The following CFAP53 variants were observed in gnomAD, a reference collection of about 807,000 sequenced individuals.
The protein encoded by CFAP53 is cilia and flagella associated protein 53, also known as cilia- and flagella-associated protein 53.
A neutral mutation model predicts 59.7 loss-of-function variants in CFAP53; 62 were observed. The observed-to-expected ratio is 1.04, with a 90% CI of 0.85 to 1.28. The LOEUF is 1.28. CFAP53 is among the 50% of genes most tolerant of loss of function. The pLI, the probability that CFAP53 is intolerant of heterozygous loss-of-function variation, is 0.00. For synonymous variants in CFAP53, 218 were observed against 205.7 expected, an observed-to-expected ratio of 1.06 and a Z score of -0.51; for missense variants, 629 against 615.6, an observed-to-expected ratio of 1.02 and a Z score of -0.23.
At chr18:50,228,994 G>A (rs1478800470) in intron 7 of CFAP53, among the ~76,000 whole-genome samples, 1 of 151,814 alleles carries the variant, frequency 6.6e-6, no homozygotes, top group Non-Finnish European at 1.5e-5. Flanking sequence ...CAGCTGAAGT[G>A]GGTGGATTTT....
chr18:50,239,686 A>T (rs939210720), intron 6 of CFAP53, among the ~76,000 whole-genome samples: 3 of 152,228 alleles, frequency 2.0e-5, no homozygotes, highest in African/African-American at 7.2e-5. Flanking sequence ...GGCAGTCATT[A>T]CAAATCTTAT....
chr18:50,254,839 C>T (rs999490740), intron 3 of CFAP53, among the ~76,000 whole-genome samples: 4 of 152,114 alleles, frequency 2.6e-5, no homozygotes, highest in South Asian at 2.1e-4. Context: ...TGCAGTGAGC[C>T]GAGATCACGC....
intron 7 of CFAP53, among the ~76,000 whole-genome samples, chr18:50,232,359 CA>C (rs2033591474): frequency 6.6e-6 from 1 of 152,228 alleles, no homozygotes; most frequent in Non-Finnish European, 1.5e-5. Context: ...TTACAACTGA[CA>C]GCAGAATAAG....
intron 7 of CFAP53, among the ~76,000 whole-genome samples, chr18:50,228,444 C>T (rs2033547949): frequency 6.6e-6 from 1 of 152,062 alleles, no homozygotes; most frequent in African/African-American, 2.4e-5. Context: ...AAATAAGCCA[C>T]ATTTTAAATA....
chr18:50,243,250 G>C, intron 5 of CFAP53, 134 bp from the exon 6 acceptor site: 1 of 658,242 alleles, frequency 1.5e-6, no homozygotes, highest in East Asian at 2.7e-5. Context: ...ACAGATGTAT[G>C]TCTGGAGTTT....
At position 50,251,490 on chromosome 18, in the gene CFAP53, T is replaced by G. The variant is rs768965353; in HGVS notation, c.768A>C (p.Ala256=). 1 of 1,612,862 alleles carries G rather than the reference T, an allele frequency of 6.2e-7. No homozygotes were observed. The highest frequency in any genetic ancestry group is 8.5e-7 in the Non-Finnish European group (1 of 1,179,724). ...CATTTTAAAGGCCCACCACAAGGCG[T>G]GCCTCCTCTTCCTTCAGCAGCTGTG... is the stretch of plus-strand genomic sequence containing the variant. The part of the protein sequence containing the change: ...QATQLLKEEE[A]RLVESNNAQI... Residue 256 remains alanine, a synonymous_variant, in exon 4 of 8, where the codon GCA becomes GCC. Transcript: ENST00000398545.
At chr18:50,258,922 T>C (rs1429389565) in intron 3 of CFAP53, among the ~76,000 whole-genome samples, 2 of 152,172 alleles carry the variant, frequency 1.3e-5, no homozygotes, top group Admixed American at 1.3e-4. Flanking sequence ...TTCACCCCAG[T>C]TAAAATTGCT....
intron 6 of CFAP53, among the ~76,000 whole-genome samples, chr18:50,242,256 A>G (rs774555454): frequency 2.6e-5 from 4 of 152,206 alleles, no homozygotes; most frequent in Non-Finnish European, 5.9e-5. Flanking sequence ...AGTTAACGCA[A>G]TCATCACAGG....
chr18:50,242,758 G>T, intron 6 of CFAP53, 142 bp downstream of exon 6: 1 of 682,762 alleles, frequency 1.5e-6, no homozygotes. Flanking sequence ...GATAAGATTT[G>T]CAATAACAGG....
intron 3 of CFAP53, among the ~76,000 whole-genome samples, chr18:50,255,747 A>G (rs1034525044): frequency 4.6e-5 from 7 of 152,276 alleles, no homozygotes; most frequent in East Asian, 1.9e-4. Flanking sequence ...ATGAATGCAT[A>G]TGCCATCAAA....
At chr18:50,262,732 A>ATG (rs2033906909) in intron 1 of CFAP53, among the ~76,000 whole-genome samples, 1 of 152,188 alleles carries the variant, frequency 6.6e-6, no homozygotes, top group South Asian at 2.1e-4. Flanking sequence ...GTGTATATAC[A>ATG]TGTATATGTG....
At position 50,266,488 on chromosome 18, in the gene CFAP53, A is replaced by G. The variant is rs2144457795; in HGVS notation, c.-84T>C. On this transcript the variant is annotated 5_prime_UTR_variant, in exon 1 of 8. Transcript: ENST00000398545. ...CCTGCGGGACCCGCTTCCGCGACGC[A>G]GAAGTCTGGTTGCCATGGTGCGCCT... 1.4e-6 allele frequency: 2 copies of G among 1,389,474 alleles called. No homozygotes were observed. The highest frequency in any genetic ancestry group is 2.0e-6 in the Non-Finnish European group (2 of 975,832). The allele number at this position is 1,389,474 out of a possible 1,614,324, so 86.1% of individuals were successfully genotyped here.
At chr18:50,248,717 G>A (rs1406033541) in intron 5 of CFAP53, among the ~76,000 whole-genome samples, 2 of 151,176 alleles carry the variant, frequency 1.3e-5, no homozygotes, top group African/African-American at 4.9e-5. Flanking sequence ...CCCGGGAGGT[G>A]GAGGTTACAG....
At position 50,242,102 on chromosome 18, in the gene CFAP53, A is replaced by G. The variant is rs548662577; in HGVS notation, c.1213+798T>C. ...ACTCGCGTTCTGCAAGAAGAAAAAC[A>G]TGGCTCTATTCTGCCCGACCCCGCA... On this transcript the variant is annotated intron_variant, in intron 6 of 7. Transcript: ENST00000398545. 1.2e-4 allele frequency among the ~76,000 whole-genome samples: 19 copies of G among 152,358 alleles called. No individual in the cohort carries two copies. In the South Asian group the frequency reaches 1.7e-3, roughly 13 times the overall value.
rs200378044 is a variant in CFAP53, at chr18:50,262,054, C to G, written c.235G>C (p.Val79Leu). 143 of 1,614,180 alleles carry G rather than the reference C, an allele frequency of 8.9e-5. No individual in the cohort carries two copies. The African/African-American group carries it at 1.7e-3, about 20-fold the overall frequency. Residue 79 changes from valine to leucine, a missense_variant, in exon 2 of 8, where the codon GTG (valine) becomes CTG (leucine). By Grantham distance (32) the Val-to-Leu change is conservative (BLOSUM62 1). Coordinates refer to ENST00000398545, the MANE Select transcript of CFAP53 (RefSeq NM_145020.5). ...ACAGCATCCTTGATTCTTGCTCGCA[C>G]AAGGCTGTCCAAAATCTTGCAGTCA... ...HNDCKILDSL[V>L]RARIKDAVQG...
At chr18:50,240,441 G>GT (rs1474666767) in intron 6 of CFAP53, among the ~76,000 whole-genome samples, 1 of 152,174 alleles carries the variant, frequency 6.6e-6, no homozygotes, top group African/African-American at 2.4e-5. Context: ...ATCAGAATTA[G>GT]TTTAGCCTGT....
intron 1 of CFAP53, among the ~76,000 whole-genome samples, chr18:50,263,337 C>T (rs2033912129): frequency 6.6e-6 from 1 of 152,158 alleles, no homozygotes; most frequent in South Asian, 2.1e-4. Flanking sequence ...TGATCTTTTA[C>T]ATTTAGAATA....
intron 6 of CFAP53, 53 bp from the exon 7 acceptor site, chr18:50,238,758 C>T: frequency 7.6e-7 from 1 of 1,324,048 alleles, no homozygotes; most frequent in East Asian, 2.3e-5. Flanking sequence ...CAAGAATTGC[C>T]AACATCTTTC....
Position 50,262,073 on chromosome 18 carries a change from G to T in CFAP53, c.216C>A (p.Cys72Ter), listed in dbSNP as rs778022401. The T allele has an allele frequency of 4.3e-6, 7 of 1,614,170 alleles. No homozygotes were observed. Among genetic ancestry groups the T allele is most frequent in the Non-Finnish European group, 5.1e-6 (6 of 1,180,024 alleles). Residue 72 changes from cysteine to a stop codon, truncating the protein, a stop_gained, in exon 2 of 8, where the codon TGC (cysteine) becomes TGA (stop). Transcript: ENST00000398545. LOFTEE classifies it high-confidence loss of function. ...LKAEWDQHNDCKILDSLVRAR... is the reference protein window; with the variant it reads ...LKAEWDQHND ...CTCGCACAAGGCTGTCCAAAATCTT[G>T]CAGTCATTGTGCTGGTCCCACTCAG...
Sources: allele counts gnomAD v4.1 joint callset (sites outside exome capture counted in the v4.1 genomes callset), GRCh38; gene constraint gnomAD v4.1.1; transcripts MANE v1.5; gene names NCBI Gene and HGNC (gene_info 2026-07-23, HGNC 2026-07-21).